The following CALN1 variants were observed in gnomAD, a reference collection of about 807,000 sequenced individuals.
CALN1 encodes the protein calneuron 1.
In CALN1, 17 loss-of-function variants were observed where a neutral mutation model predicts 30.6. The observed-to-expected ratio is 0.56, with a 90% confidence interval of 0.38 to 0.83. The LOEUF is 0.83. Ranked by LOEUF, CALN1 falls within the 40% of genes least tolerant of loss-of-function variation. CALN1 has a pLI of 0.00. For synonymous variants in CALN1, 156 were observed against 131.4 expected, an observed-to-expected ratio of 1.19 and a Z score of -1.28; for missense variants, 291 against 354.9, an observed-to-expected ratio of 0.82 and a Z score of 1.45.
chr7:72,204,706 G>A (rs1791701467), intron 3 of CALN1, among the ~76,000 whole-genome samples: 1 of 152,118 alleles, frequency 6.6e-6, no homozygotes, highest in African/African-American at 2.4e-5. Flanking sequence ...TGGATTAAAT[G>A]AATTATACAT....
chr7:72,425,339 C>T (rs1446899742), intron 1 of CALN1, among the ~76,000 whole-genome samples: 1 of 152,162 alleles, frequency 6.6e-6, no homozygotes, highest in Non-Finnish European at 1.5e-5. Context: ...GTCTCAAACT[C>T]CTGACCTCAA....
At chr7:72,393,552 A>C (rs1260460106) in intron 2 of CALN1, among the ~76,000 whole-genome samples, 2 of 152,208 alleles carry the variant, frequency 1.3e-5, no homozygotes, top group Admixed American at 1.3e-4. Flanking sequence ...ACTACCTGTC[A>C]TAAAGCAAGG....
At chr7:72,103,989 T>A (rs1179777712) in intron 4 of CALN1, 1 of 152,396 alleles carries the variant, frequency 6.6e-6, no homozygotes, top group African/African-American at 2.4e-5. Context: ...TAATGCCATT[T>A]TCTTCCTTAG....
chr7:71,862,408 A>C (rs1222920943), intron 5 of CALN1, among the ~76,000 whole-genome samples: 7 of 152,202 alleles, frequency 4.6e-5, no homozygotes. Context: ...TTCTCATGAT[A>C]GTGAATAAGT....
Position 72,065,761 on chromosome 7 carries a change from C to T in CALN1, c.388+40390G>A, listed in dbSNP as rs373076402. On this transcript the variant is annotated intron_variant, in intron 4 of 6. Transcript: ENST00000395275. ...ACAAAAAATTAGCCAGGCGTGGAGG[C>T]GGGTGCCTGTAATCCCAGCTACTCA... 2.2e-3 allele frequency among the ~76,000 whole-genome samples: 338 copies of T among 152,098 alleles called. 2 individuals carry two copies. The highest frequency in any genetic ancestry group is 7.7e-3 in the African/African-American group (321 of 41,506).
At chr7:72,084,706 G>C (rs1176371071) in intron 4 of CALN1, among the ~76,000 whole-genome samples, 1 of 151,946 alleles carries the variant, frequency 6.6e-6, no homozygotes, top group Non-Finnish European at 1.5e-5. Flanking sequence ...GAACATGAAA[G>C]AAAAAAGTGA....
At chr7:72,403,901 C>G (rs1049324833) in intron 1 of CALN1, among the ~76,000 whole-genome samples, 3 of 152,166 alleles carry the variant, frequency 2.0e-5, no homozygotes, top group African/African-American at 7.2e-5. Flanking sequence ...GGACTCTGGC[C>G]CAGCCTCCCA....
chr7:72,005,029 T>C (rs964515346), intron 5 of CALN1, among the ~76,000 whole-genome samples: 2 of 152,200 alleles, frequency 1.3e-5, no homozygotes, highest in African/African-American at 2.4e-5. Context: ...GAATCACTCA[T>C]ACATTGCTGG....
At chr7:71,878,725 C>T (rs1792395811) in intron 5 of CALN1, among the ~76,000 whole-genome samples, 1 of 152,178 alleles carries the variant, frequency 6.6e-6, no homozygotes. Context: ...TGGCTTTAAC[C>T]ATCTGCCACG....
In CALN1 at chr7:71,865,457, T is replaced by C. The variant is rs151296833; in HGVS notation, c.502-54965A>G. Reference sequence around the variant, plus strand: ...GCTTCCTGTACAGCCTACAGAACCATGAACCAATGAAACCTCTTTTCTTTA... The same window carrying C: ...GCTTCCTGTACAGCCTACAGAACCACGAACCAATGAAACCTCTTTTCTTTA... On this transcript the variant is annotated intron_variant, in intron 5 of 6. Transcript: ENST00000395275. 2.0e-5 allele frequency among the ~76,000 whole-genome samples: 3 copies of C among 152,342 alleles called. No individual in the cohort carries two copies. In the East Asian group the frequency reaches 5.8e-4, roughly 29 times the overall value.
intron 6 of CALN1, among the ~76,000 whole-genome samples, chr7:71,795,814 CTTTTTTTTTT>C (rs55667543): frequency 1.6e-4 from 16 of 98,546 alleles, no homozygotes; most frequent in Admixed American, 4.8e-4. Flanking sequence ...GTACTTCATT[CTTTTTTTTTT>C]TTTTTTTTTT....
At chr7:72,154,143 A>G (rs116165050) in intron 3 of CALN1, among the ~76,000 whole-genome samples, 271 of 152,212 alleles carry the variant, frequency 1.8e-3, no homozygotes, top group African/African-American at 5.9e-3. Flanking sequence ...TTGGGAAAAT[A>G]GAAATGGCTT....
chr7:72,271,575 A>AAAATATATATATATATATATAT lies in CALN1; in HGVS notation c.244+7110_244+7111insATATATATATATATATATATTT. Among the ~76,000 whole-genome samples, 96 of 52,092 alleles carry AAAATATATATATATATATATAT rather than the reference A, an allele frequency of 1.8e-3. 2 individuals carry two copies. Among genetic ancestry groups the AAAATATATATATATATATATAT allele is most frequent in the East Asian group, 8.0e-3 (8 of 1,004 alleles). 34.2% of individuals were successfully genotyped at this position (52,092 alleles called of 152,430 possible). ...CTGTGCCTGCCTTTTAAAAAAAAAA[A>AAAATATATATATATATATATAT]ATATATATATATATATATAGTTTTC... On this transcript the variant is annotated intron_variant, in intron 3 of 6. Coordinates refer to ENST00000395275, the MANE Select transcript of CALN1 (RefSeq NM_031468.4).
At chr7:71,867,135 ACT>A (rs1791632176) in intron 5 of CALN1, among the ~76,000 whole-genome samples, 1 of 131,706 alleles carries the variant, frequency 7.6e-6, no homozygotes, top group African/African-American at 3.4e-5. Flanking sequence ...ACAGAGCGAG[ACT>A]CTGTCTCAAA....
At chr7:72,054,899 A>C (rs2129536514) in intron 4 of CALN1, among the ~76,000 whole-genome samples, 1 of 152,166 alleles carries the variant, frequency 6.6e-6, no homozygotes, top group African/African-American at 2.4e-5. Flanking sequence ...TCTGGAAACT[A>C]AAATAAAAAC....
At chr7:72,154,436 T>A (rs541671428) in intron 3 of CALN1, among the ~76,000 whole-genome samples, 2 of 152,170 alleles carry the variant, frequency 1.3e-5, no homozygotes, top group South Asian at 4.2e-4. Flanking sequence ...ATATCCCGAA[T>A]TAGCCTCTGA....
chr7:71,947,336 C>T (rs141007071), intron 5 of CALN1, among the ~76,000 whole-genome samples: 2 of 152,010 alleles, frequency 1.3e-5, no homozygotes, highest in Non-Finnish European at 2.9e-5. Flanking sequence ...TACATTATCT[C>T]AGGCAATGCA....
At chr7:72,105,984 G>C (rs1234675575) in intron 4 of CALN1, among the ~76,000 whole-genome samples, 167 bp downstream of exon 4, 1 of 152,126 alleles carries the variant, frequency 6.6e-6, no homozygotes, top group Non-Finnish European at 1.5e-5. Context: ...CAGGCCCCTA[G>C]AACTCTATGG....
intron 2 of CALN1, among the ~76,000 whole-genome samples, chr7:72,363,341 C>T (rs1348367605): frequency 2.6e-5 from 4 of 151,898 alleles, no homozygotes; most frequent in Non-Finnish European, 4.4e-5. Flanking sequence ...TGGGTTCAAT[C>T]GATTCTCCGG....
Sources: allele counts gnomAD v4.1 joint callset (sites outside exome capture counted in the v4.1 genomes callset), GRCh38; gene constraint gnomAD v4.1.1; transcripts MANE v1.5; gene names NCBI Gene and HGNC (gene_info 2026-07-23, HGNC 2026-07-21).